MME: variants seen among roughly 807,000 people sequenced by gnomAD.
MME encodes the protein neprilysin.
A neutral mutation model predicts 113.2 loss-of-function variants in MME; 98 were observed. The ratio of observed to expected loss-of-function variants is 0.87; its 90% confidence interval spans 0.74 to 1.02. MME has a LOEUF of 1.02. MME is among the 50% of genes least tolerant of loss of function. MME has a pLI of 0.00. For missense variants in MME, 836 were observed against 896.0 expected, an observed-to-expected ratio of 0.93 and a Z score of 0.86; for synonymous variants, 292 against 300.6, an observed-to-expected ratio of 0.97 and a Z score of 0.30.
rs1712093012 is a variant in MME at position 155,172,533 on chromosome 3, T to C, written c.2077-3T>C. On this transcript the variant is annotated splice_region_variant and splice_polypyrimidine_tract_variant and intron_variant, in intron 21 of 22. Coordinates refer to ENST00000360490, the MANE Select transcript of MME (RefSeq NM_007289.4). ...GCTTTGCTTTTCCTATTCCTATCTC[T>C]AGGTGTGGTGTGGAACCTATAGGCC... 2.5e-6 allele frequency: 4 copies of C among 1,607,672 alleles called. No individual in the cohort carries two copies. The highest frequency in any genetic ancestry group is 1.1e-5 in the South Asian group (1 of 90,972).
Position 155,172,102 on chromosome 3 carries a change from T to G in MME, c.1981-15T>G. 2.7e-6 allele frequency: 4 copies of G among 1,458,386 alleles called. No individual in the cohort carries two copies. Among genetic ancestry groups the G allele is most frequent in the Non-Finnish European group, 3.8e-6 (4 of 1,039,056 alleles). 90.3% of individuals were successfully genotyped at this position (1,458,386 alleles called of 1,614,324 possible). On this transcript the variant is annotated splice_polypyrimidine_tract_variant and intron_variant, in intron 20 of 22. Coordinates refer to ENST00000360490, the MANE Select transcript of MME (RefSeq NM_007289.4). ...GAATTAATATTATTGTTTTTCTATT[T>G]TATCAACTGCCTAGGCCTATCAGAA...
At chr3:155,131,186 T>C (rs916361367) in intron 8 of MME, among the ~76,000 whole-genome samples, 1 of 152,154 alleles carries the variant, frequency 6.6e-6, no homozygotes, top group Non-Finnish European at 1.5e-5. Context: ...ACATGGTAAT[T>C]CATGTGAAAG....
intron 1 of MME, chr3:155,083,873 C>G: frequency 2.7e-6 from 1 of 371,106 alleles, no homozygotes; most frequent in South Asian, 2.4e-5. Context: ...GAGTATTTAA[C>G]CAAGTCTTAC....
chr3:155,126,395 A>C (rs1460047034), intron 8 of MME, among the ~76,000 whole-genome samples: 1 of 133,724 alleles, frequency 7.5e-6, no homozygotes, highest in Non-Finnish European at 1.6e-5. Flanking sequence ...GTATATATTT[A>C]AGGCAGTAAA....
At chr3:155,095,203 C>A (rs933602497) in intron 3 of MME, among the ~76,000 whole-genome samples, 5 of 152,302 alleles carry the variant, frequency 3.3e-5, no homozygotes, top group Middle Eastern at 3.4e-3. Context: ...GGAGGAAAAG[C>A]AATTTAAGTA....
intron 1 of MME, among the ~76,000 whole-genome samples, chr3:155,026,940 G>A (rs970515438): frequency 1.3e-5 from 2 of 151,998 alleles, no homozygotes; most frequent in African/African-American, 4.8e-5. Context: ...ACTTTATTCT[G>A]TCTATCTACT....
intron 14 of MME, among the ~76,000 whole-genome samples, chr3:155,146,486 A>G (rs1721527719): frequency 1.3e-5 from 2 of 152,028 alleles, no homozygotes; most frequent in Non-Finnish European, 2.9e-5. Context: ...TGATTGTGCC[A>G]CTGCACTTCA....
At chr3:155,051,410 T>C (rs1166752583) in intron 1 of MME, among the ~76,000 whole-genome samples, 2 of 152,182 alleles carry the variant, frequency 1.3e-5, no homozygotes, top group African/African-American at 4.8e-5. Flanking sequence ...TGTAAAGACA[T>C]ACCTGAAACT....
At chr3:155,036,670 C>T (rs568784017) in intron 1 of MME, among the ~76,000 whole-genome samples, 14 of 152,082 alleles carry the variant, frequency 9.2e-5, no homozygotes, top group Non-Finnish European at 1.8e-4. Flanking sequence ...ATATTACTCC[C>T]TTGTCAAATA....
intron 1 of MME, among the ~76,000 whole-genome samples, chr3:155,056,809 G>A (rs2108131993): frequency 1.3e-5 from 2 of 152,262 alleles, no homozygotes; most frequent in South Asian, 4.1e-4. Context: ...GTAAAAGTCT[G>A]ATCTTTGACA....
At chr3:155,026,963 A>AT (rs1182072562) in intron 1 of MME, among the ~76,000 whole-genome samples, 27 of 152,358 alleles carry the variant, frequency 1.8e-4, no homozygotes, top group African/African-American at 5.0e-4. Context: ...GACAGTAATA[A>AT]TAATTTTAAC....
chr3:155,035,255 TAATATA>T (rs1713092940), intron 1 of MME, among the ~76,000 whole-genome samples: 1 of 148,886 alleles, frequency 6.7e-6, no homozygotes, highest in South Asian at 2.1e-4. Flanking sequence ...ATAATGTCTA[TAATATA>T]AATATAAAAT....
At chr3:155,128,160 C>T (rs1165919092) in intron 8 of MME, among the ~76,000 whole-genome samples, 3 of 152,222 alleles carry the variant, frequency 2.0e-5, no homozygotes, top group African/African-American at 7.2e-5. Flanking sequence ...TACATGTCAT[C>T]CCAGAAATGG....
rs1302787543 is a variant in MME, at chr3:155,182,435, A to C, written c.*1976A>C. 1 of 152,140 alleles carries C rather than the reference A, an allele frequency of 6.6e-6. No individual in the cohort carries two copies. The highest frequency in any genetic ancestry group is 2.4e-5 in the African/African-American group (1 of 41,424). The allele number at this position is 152,140 out of a possible 1,614,324, so 9.4% of individuals were successfully genotyped here. Reference sequence around the variant, plus strand: ...ACTTATTTCTTCAAATCCTTCCAAAAATTATTATAAGCATTGAAATTATAG... The same window carrying C: ...ACTTATTTCTTCAAATCCTTCCAAACATTATTATAAGCATTGAAATTATAG... On this transcript the variant is annotated 3_prime_UTR_variant, in exon 23 of 23. Coordinates refer to ENST00000360490, the MANE Select transcript of MME (RefSeq NM_007289.4).
At chr3:155,070,260 A>T (rs1031984055) in intron 1 of MME, among the ~76,000 whole-genome samples, 1 of 152,236 alleles carries the variant, frequency 6.6e-6, no homozygotes, top group Non-Finnish European at 1.5e-5. Context: ...GTGAAATAAC[A>T]TCCTAAATCA....
intron 1 of MME, among the ~76,000 whole-genome samples, chr3:155,027,606 G>A (rs1712831224): frequency 6.6e-6 from 1 of 152,112 alleles, no homozygotes; most frequent in South Asian, 2.1e-4. Context: ...AATCTTAAAG[G>A]CCCAGCTCAA....
At chr3:155,114,356 C>T (rs1273597083) in intron 3 of MME, among the ~76,000 whole-genome samples, 10 of 152,108 alleles carry the variant, frequency 6.6e-5, no homozygotes, top group Admixed American at 6.5e-4. Flanking sequence ...TTTGCATTTT[C>T]ATCATAGTCC....
intron 22 of MME, among the ~76,000 whole-genome samples, chr3:155,175,438 T>G (rs1011113850): frequency 3.3e-5 from 5 of 151,962 alleles, no homozygotes; most frequent in Admixed American, 1.3e-4. Flanking sequence ...ATCTATAATT[T>G]AAATATTGAC....
chr3:155,104,540 T>C (rs183456909), intron 3 of MME, among the ~76,000 whole-genome samples: 10 of 152,328 alleles, frequency 6.6e-5, no homozygotes, highest in South Asian at 2.1e-4. Flanking sequence ...CTAACCAAAA[T>C]TGATGCAAAG....
Sources: gnomAD v4.1 joint callset for allele counts (sites outside exome capture counted in the v4.1 genomes callset) on GRCh38, gnomAD v4.1.1 for gene constraint, MANE v1.5 for transcripts, NCBI Gene and HGNC (gene_info 2026-07-23, HGNC 2026-07-21) for gene names.